The following CCSER1 variants were observed in gnomAD, a reference collection of about 807,000 sequenced individuals.
CCSER1 encodes coiled-coil serine rich protein 1, also known as serine-rich coiled-coil domain-containing protein 1.
Under a neutral mutation model 82.0 loss-of-function variants are expected in CCSER1, and 41 were observed. The ratio of observed to expected loss-of-function variants is 0.50; its 90% CI spans 0.39 to 0.65. The LOEUF is 0.65. Among genes scored for constraint, CCSER1 ranks in the 30% least tolerant of loss-of-function variants. The pLI is 0.00. For synonymous variants in CCSER1, 414 were observed against 383.9 expected (o/e 1.08, Z -0.92); for missense variants, 1,119 against 1,064.2 (o/e 1.05, Z -0.72).
At chr4:90,806,035 A>C (rs1399773398) in intron 7 of CCSER1, among the ~76,000 whole-genome samples, 1 of 152,152 alleles carries the variant, frequency 6.6e-6, no homozygotes, top group Non-Finnish European at 1.5e-5. Flanking sequence ...CTAGATAGAT[A>C]TTTTAGGTTG....
intron 10 of CCSER1, among the ~76,000 whole-genome samples, chr4:91,532,617 C>T (rs576003177): frequency 1.3e-4 from 20 of 152,180 alleles, no homozygotes; most frequent in African/African-American, 4.1e-4. Context: ...TCCTACTGGG[C>T]GTGGTCGCTC....
intron 10 of CCSER1, among the ~76,000 whole-genome samples, chr4:91,161,919 C>A (rs1020331693): frequency 6.6e-6 from 1 of 152,082 alleles, no homozygotes; most frequent in African/African-American, 2.4e-5. Flanking sequence ...TAATTGAATA[C>A]CCTGTATTTT....
intron 5 of CCSER1, among the ~76,000 whole-genome samples, chr4:90,486,418 G>A (rs988496895): frequency 6.6e-6 from 1 of 152,120 alleles, no homozygotes; most frequent in Non-Finnish European, 1.5e-5. Flanking sequence ...TACCCCTTGA[G>A]TGCCTCATAG....
intron 10 of CCSER1, among the ~76,000 whole-genome samples, chr4:91,470,353 T>A (rs1757193277): frequency 6.6e-6 from 1 of 152,186 alleles, no homozygotes; most frequent in Admixed American, 6.6e-5. Context: ...ATTCTATTCC[T>A]CCTTCTTCTT....
chr4:90,308,995 G>A lies in CCSER1; in HGVS notation c.711G>A (p.Arg237=). 2 of 1,613,746 alleles carry A rather than the reference G, an allele frequency of 1.2e-6. No homozygotes were observed. The highest frequency in any genetic ancestry group is 1.7e-6 in the Non-Finnish European group (2 of 1,179,844). ...CCTGTTCTGTGGATGTAACAGAACGGGCAGGAAGCTCTTTACAATCTCCTT... is the reference window on the plus strand; with the variant it reads ...CCTGTTCTGTGGATGTAACAGAACGAGCAGGAAGCTCTTTACAATCTCCTT... ...SPSCSVDVTE[R]AGSSLQSPLL... is the part of the protein sequence containing the mutation. The change falls in exon 2 of 11, where the codon CGG becomes CGA. Residue 237 remains arginine, a synonymous_variant. Transcript: ENST00000509176.
chr4:91,565,845 T>A (rs554981755), intron 10 of CCSER1, among the ~76,000 whole-genome samples: 1 of 152,276 alleles, frequency 6.6e-6, no homozygotes, highest in South Asian at 2.1e-4. Flanking sequence ...ACAGAGATAG[T>A]TTGACTTCCT....
chr4:90,420,054 T>G (rs1156822504), intron 4 of CCSER1, among the ~76,000 whole-genome samples: 1 of 152,010 alleles, frequency 6.6e-6, no homozygotes. Flanking sequence ...TAATTTATAG[T>G]CTACTAATTG....
intron 9 of CCSER1, among the ~76,000 whole-genome samples, chr4:91,083,839 A>T (rs1341862235): frequency 6.6e-6 from 1 of 152,192 alleles, no homozygotes; most frequent in African/African-American, 2.4e-5. Context: ...TTACAAAAGT[A>T]AACAGTGTCA....
intron 9 of CCSER1, among the ~76,000 whole-genome samples, chr4:90,959,778 T>C (rs1053808184): frequency 6.6e-6 from 1 of 151,542 alleles, no homozygotes; most frequent in Non-Finnish European, 1.5e-5. Context: ...GATAGCAATT[T>C]GCCTTCTTTG....
At chr4:90,256,241 C>T (rs1031476017) in intron 1 of CCSER1, among the ~76,000 whole-genome samples, 1 of 152,074 alleles carries the variant, frequency 6.6e-6, no homozygotes, top group Non-Finnish European at 1.5e-5. Context: ...GTCTTTGTGA[C>T]CTGACTCATT....
At chr4:91,014,967 AT>A (rs1739305316) in intron 9 of CCSER1, among the ~76,000 whole-genome samples, 1 of 102,686 alleles carries the variant, frequency 9.7e-6, no homozygotes, top group Non-Finnish European at 2.6e-5. Flanking sequence ...GTGCAGATAA[AT>A]TACTCTTCAA....
intron 10 of CCSER1, among the ~76,000 whole-genome samples, chr4:91,290,463 T>G (rs1405163587): frequency 1.3e-5 from 2 of 152,026 alleles, no homozygotes; most frequent in Non-Finnish European, 1.5e-5. Context: ...TTTTTATTTG[T>G]GTATATGTGT....
At chr4:90,160,978 A>G (rs1167822362) in intron 1 of CCSER1, among the ~76,000 whole-genome samples, 1 of 152,190 alleles carries the variant, frequency 6.6e-6, no homozygotes, top group Non-Finnish European at 1.5e-5. Flanking sequence ...AGAAGATAAG[A>G]TTATTAAAAT....
intron 3 of CCSER1, among the ~76,000 whole-genome samples, chr4:90,356,318 A>G (rs149481706): frequency 0.011 from 1,710 of 151,930 alleles, 31 homozygotes; most frequent in African/African-American, 0.04. Flanking sequence ...TATGAATTGG[A>G]TGAACTAATT....
At chr4:90,461,402 T>C (rs1164616872) in intron 4 of CCSER1, among the ~76,000 whole-genome samples, 2 of 152,140 alleles carry the variant, frequency 1.3e-5, no homozygotes, top group Non-Finnish European at 2.9e-5. Context: ...CTGATCATGT[T>C]GCTCTTTGTT....
intron 5 of CCSER1, among the ~76,000 whole-genome samples, chr4:90,563,874 A>G (rs1394757830): frequency 6.6e-6 from 1 of 152,142 alleles, no homozygotes; most frequent in Non-Finnish European, 1.5e-5. Context: ...GTTTTCTATA[A>G]TGGCTATACT....
intron 4 of CCSER1, among the ~76,000 whole-genome samples, chr4:90,446,222 A>T (rs17017003): frequency 0.017 from 2,543 of 152,298 alleles, 66 homozygotes; most frequent in African/African-American, 0.058. Flanking sequence ...CTGTACACTT[A>T]GCACATTTCT....
intron 7 of CCSER1, among the ~76,000 whole-genome samples, chr4:90,736,460 CCTT>C (rs1484295017): frequency 6.6e-6 from 1 of 151,880 alleles, no homozygotes; most frequent in Non-Finnish European, 1.5e-5. Context: ...TATATAATGA[CCTT>C]CTTTGTGTCT....
intron 6 of CCSER1, among the ~76,000 whole-genome samples, chr4:90,694,798 GT>G (rs765862537): frequency 0.096 from 2,707 of 28,340 alleles, 44 homozygotes; most frequent in Non-Finnish European, 0.15. Flanking sequence ...TGTGTGTGGG[GT>G]GTGTGTGTGT....
Sources: allele counts gnomAD v4.1 joint callset (sites outside exome capture counted in the v4.1 genomes callset), GRCh38; gene constraint gnomAD v4.1.1; transcripts MANE v1.5; gene names NCBI Gene and HGNC (gene_info 2026-07-23, HGNC 2026-07-21).